Variants in EXOSC5 observed in about 807,000 individuals in gnomAD.
The protein encoded by EXOSC5 is exosome complex component RRP46.
Under a neutral mutation model 23.7 loss-of-function variants are expected in EXOSC5, and 15 were observed. That is an observed-to-expected ratio of 0.63 (90% CI 0.42 to 0.97). The LOEUF (loss-of-function observed/expected upper bound fraction) is 0.97, where lower values mean the gene tolerates loss of function less well. EXOSC5 is among the 50% of genes least tolerant of loss of function. The pLI, the probability that EXOSC5 is intolerant of heterozygous loss-of-function variation, is 0.00. For missense variants in EXOSC5, 305 were observed against 316.3 expected, an observed-to-expected ratio of 0.96 and a Z score of 0.27; for synonymous variants, 143 against 140.9, an observed-to-expected ratio of 1.02 and a Z score of -0.11.
rs2039034238 is a variant in EXOSC5, at chr19:41,392,880, C to G, written c.249G>C (p.Lys83Asn). The G allele has an allele frequency of 6.2e-7, 1 of 1,613,954 alleles. No homozygotes were observed. Among genetic ancestry groups the G allele is most frequent in the East Asian group, 2.2e-5 (1 of 44,866 alleles). The change falls in exon 2 of 6, where the codon AAG becomes AAC. Residue 83 changes from lysine to asparagine, a missense_variant. Lys to Asn is a moderately conservative substitution (Grantham distance 94). Coordinates refer to ENST00000221233, the MANE Select transcript of EXOSC5 (RefSeq NM_020158.4). ...KATLEVILRP[K>N]IGLPGVAEKS... ...GGGCCCAATTACCAGGCAGCCCAAT[C>G]TTCGGCCTCAGGATCACTTCGAGTG...
intron 2 of EXOSC5, chr19:41,392,249 C>T (rs1333443688): frequency 2.2e-6 from 1 of 454,452 alleles, no homozygotes; most frequent in African/African-American, 2.1e-5. Context: ...CAGGTCCAGT[C>T]AGTGGGGACT....
chr19:41,392,801 G>A, intron 2 of EXOSC5, 66 bp downstream of exon 2: 1 of 1,457,784 alleles, frequency 6.9e-7, no homozygotes, highest in Non-Finnish European at 9.6e-7. Context: ...CAGCTGGTAG[G>A]GAGGAGCTGG....
At chr19:41,387,746 C>G in intron 4 of EXOSC5, 143 bp from the exon 5 acceptor site, 1 of 396,906 alleles carries the variant, frequency 2.5e-6, no homozygotes, top group Non-Finnish European at 4.3e-6. Flanking sequence ...TGCTTGAGGC[C>G]AGAAACTCAA....
At chr19:41,389,119 T>C (rs977116411) in intron 4 of EXOSC5, among the ~76,000 whole-genome samples, 5 of 151,376 alleles carry the variant, frequency 3.3e-5, no homozygotes, top group Admixed American at 6.6e-5. Flanking sequence ...CTAACCTTTG[T>C]ATTTTTAGTA....
Position 41,397,359 on chromosome 19 carries a change from C to T in EXOSC5, c.-31G>A. 4 of 1,592,682 alleles carry T rather than the reference C, an allele frequency of 2.5e-6. No homozygotes were observed. Among genetic ancestry groups the T allele is most frequent in the Non-Finnish European group, 3.4e-6 (4 of 1,165,414 alleles). ...CGAGCCCACGTGCGGCTGCAGTTGT[C>T]ACTTCCGCCTGGCAGCGCGCGCCGC... On this transcript the variant is annotated 5_prime_UTR_variant, in exon 1 of 6. Transcript: ENST00000221233.
chr19:41,390,792 A>G (rs2039017795), intron 3 of EXOSC5, among the ~76,000 whole-genome samples: 1 of 152,194 alleles, frequency 6.6e-6, no homozygotes, highest in Non-Finnish European at 1.5e-5. Context: ...AACCGGTTCC[A>G]GCTCTGCTGC....
rs545784076 is a variant in EXOSC5 at position 41,386,409 on chromosome 19, T to G, written c.*224A>C. The G allele has an allele frequency of 6.3e-5, 32 of 511,340 alleles. No individual in the cohort carries two copies. Among genetic ancestry groups the G allele is most frequent in the Non-Finnish European group, 9.8e-5 (28 of 286,164 alleles). The allele number at this position is 511,340 out of a possible 1,614,324, so 31.7% of individuals were successfully genotyped here. A position where few individuals can be genotyped will look rare whatever the true frequency, so the allele number is the denominator to read the frequency against. ...TTAATTTATTGATTCATCCATTCCA[T>G]AAATGTGAGCTCCTTTGAATGTTAT... is the stretch of plus-strand genomic sequence containing the variant. On this transcript the variant is annotated 3_prime_UTR_variant, in exon 6 of 6. Coordinates refer to ENST00000221233, the MANE Select transcript of EXOSC5 (RefSeq NM_020158.4).
intron 3 of EXOSC5, 198 bp downstream of exon 3, chr19:41,391,643 T>C: frequency 1.7e-6 from 1 of 597,544 alleles, no homozygotes; most frequent in Non-Finnish European, 2.7e-6. Flanking sequence ...CTATATTACA[T>C]GAGTTAATGT....
rs570233269 is a variant in EXOSC5, at chr19:41,391,899, G to A, written c.326C>T (p.Thr109Met). ...GGTGATGGAGGTGCGGGGGTGCAACGTGCCCAGCACCACCGCCTCGCACGT... is the reference window on the plus strand; with the variant it reads ...GGTGATGGAGGTGCGGGGGTGCAACATGCCCAGCACCACCGCCTCGCACGT... ...RNTCEAVVLG[T>M]LHPRTSITVV... is the part of the protein sequence containing the mutation. The change falls in exon 3 of 6, where the codon ACG becomes ATG. Residue 109 changes from threonine to methionine, a missense_variant. Physicochemically the swap from Thr to Met is moderately conservative, Grantham distance 81. Transcript: ENST00000221233. 6.4e-6 allele frequency: 10 copies of A among 1,566,868 alleles called. No individual in the cohort carries two copies. The highest frequency in any genetic ancestry group is 1.7e-4 in the Middle Eastern group (1 of 5,974).
chr19:41,392,777 G>A, intron 2 of EXOSC5, 90 bp downstream of exon 2: 4 of 1,115,856 alleles, frequency 3.6e-6, no homozygotes, highest in Non-Finnish European at 5.4e-6. Flanking sequence ...CAAGCGGGGA[G>A]TGGAGACTCG....
chr19:41,387,357 G>A (rs1314387248), intron 5 of EXOSC5, among the ~76,000 whole-genome samples, 157 bp downstream of exon 5: 1 of 152,148 alleles, frequency 6.6e-6, no homozygotes, highest in Admixed American at 6.5e-5. Context: ...TTTCCGCAAA[G>A]GTTTCTGGGT....
intron 4 of EXOSC5, among the ~76,000 whole-genome samples, chr19:41,388,992 C>T (rs934054323): frequency 1.3e-5 from 2 of 152,236 alleles, no homozygotes; most frequent in African/African-American, 2.4e-5. Flanking sequence ...TTCATCCAGG[C>T]TGGAGTGAAG....
At chr19:41,391,350 G>C (rs1425914802) in intron 3 of EXOSC5, among the ~76,000 whole-genome samples, 1 of 152,172 alleles carries the variant, frequency 6.6e-6, no homozygotes, top group African/African-American at 2.4e-5. Flanking sequence ...CTGGGTGACA[G>C]AGTGAGAGCC....
chr19:41,392,172 C>A, intron 2 of EXOSC5: 1 of 640,570 alleles, frequency 1.6e-6, no homozygotes. Context: ...ACCAAGGGAA[C>A]CATCCAAGGG....
At chr19:41,390,349 G>A (rs1007073589) in intron 3 of EXOSC5, among the ~76,000 whole-genome samples, 2 of 152,342 alleles carry the variant, frequency 1.3e-5, no homozygotes, top group East Asian at 3.9e-4. Context: ...TGGCAGAGTG[G>A]TTAAAAGTGG....
At chr19:41,393,153 C>A (rs563700385) in intron 1 of EXOSC5, among the ~76,000 whole-genome samples, 173 bp from the exon 2 acceptor site, 62 of 152,364 alleles carry the variant, frequency 4.1e-4, no homozygotes, top group Non-Finnish European at 6.8e-4. Flanking sequence ...AAATAGCAGT[C>A]CCTCCCCGCT....
chr19:41,392,262 G>A (rs906276268), intron 2 of EXOSC5: 1 of 417,638 alleles, frequency 2.4e-6, no homozygotes, highest in African/African-American at 2.1e-5. Context: ...TGGGGACTGA[G>A]GGATATGAGG....
At chr19:41,390,453 A>G (rs1347466807) in intron 3 of EXOSC5, among the ~76,000 whole-genome samples, 2 of 152,184 alleles carry the variant, frequency 1.3e-5, no homozygotes, top group Non-Finnish European at 2.9e-5. Context: ...CAATCTCCTC[A>G]TCTGTTAGAT....
chr19:41,387,678 C>T (rs1036984976), intron 4 of EXOSC5, 75 bp from the exon 5 acceptor site: 2 of 1,105,284 alleles, frequency 1.8e-6, no homozygotes, highest in African/African-American at 1.6e-5. Flanking sequence ...AGTCCTTTGG[C>T]CAGGCACAGT....
Sources: gnomAD v4.1 joint callset for allele counts (sites outside exome capture counted in the v4.1 genomes callset) on GRCh38, gnomAD v4.1.1 for gene constraint, MANE v1.5 for transcripts, NCBI Gene and HGNC (gene_info 2026-07-23, HGNC 2026-07-21) for gene names.